Variants in LRRTM4 observed in about 807,000 individuals in gnomAD.
LRRTM4 encodes leucine-rich repeat transmembrane neuronal protein 4.
LRRTM4 carries 25 observed loss-of-function variants against 47.6 expected under a neutral mutation model. The ratio of observed to expected loss-of-function variants is 0.53; its 90% CI spans 0.38 to 0.73. The LOEUF is 0.73. LRRTM4 is among the 30% of genes least tolerant of loss of function. LRRTM4 has a pLI of 0.00. For missense variants in LRRTM4, 638 were observed against 713.4 expected, an observed-to-expected ratio of 0.89 and a Z score of 1.20; for synonymous variants, 311 against 269.5, an observed-to-expected ratio of 1.15 and a Z score of -1.51.
At chr2:76,981,058 C>T (rs762878711) in intron 3 of LRRTM4, among the ~76,000 whole-genome samples, 3 of 152,056 alleles carry the variant, frequency 2.0e-5, no homozygotes, top group Non-Finnish European at 4.4e-5. Flanking sequence ...AACTCAGTTA[C>T]AAGTGCTTGC....
At chr2:76,938,326 G>T (rs1047350688) in intron 3 of LRRTM4, among the ~76,000 whole-genome samples, 6 of 152,072 alleles carry the variant, frequency 3.9e-5, no homozygotes, top group African/African-American at 1.4e-4. Context: ...CATTCTGCTA[G>T]TATTTTAGAT....
At chr2:77,292,654 A>G (rs1348362054) in intron 3 of LRRTM4, among the ~76,000 whole-genome samples, 2 of 138,374 alleles carry the variant, frequency 1.4e-5, no homozygotes, top group Admixed American at 8.2e-5. Flanking sequence ...CAATGAGAAC[A>G]CATGGACACA....
intron 3 of LRRTM4, among the ~76,000 whole-genome samples, chr2:77,158,923 T>C (rs1453579883): frequency 6.6e-6 from 1 of 152,084 alleles, no homozygotes; most frequent in Non-Finnish European, 1.5e-5. Flanking sequence ...TTCTGCAAAA[T>C]ATAGGTATCT....
At chr2:77,516,897 T>C (rs1679226869) in intron 3 of LRRTM4, 5 of 984,928 alleles carry the variant, frequency 5.1e-6, no homozygotes, top group Non-Finnish European at 3.6e-6. Flanking sequence ...GTTAGGACTA[T>C]GGAAAAATTG....
At chr2:77,099,138 T>A (rs1349914590) in intron 3 of LRRTM4, among the ~76,000 whole-genome samples, 1 of 151,946 alleles carries the variant, frequency 6.6e-6, no homozygotes, top group Non-Finnish European at 1.5e-5. Context: ...TCAAGGAGAT[T>A]GATACAAGAA....
chr2:77,264,358 G>GC (rs1322910051), intron 3 of LRRTM4, among the ~76,000 whole-genome samples: 1 of 152,008 alleles, frequency 6.6e-6, no homozygotes, highest in East Asian at 1.9e-4. Context: ...AACCATGCAT[G>GC]CAAGTGAGCG....
chr2:76,786,811 A>C (rs1219862165), intron 3 of LRRTM4, among the ~76,000 whole-genome samples: 1 of 152,148 alleles, frequency 6.6e-6, no homozygotes, highest in African/African-American at 2.4e-5. Flanking sequence ...TCATTTAAAG[A>C]ATACAGAAGG....
intron 3 of LRRTM4, among the ~76,000 whole-genome samples, chr2:77,303,888 G>A (rs575835733): frequency 1.9e-4 from 29 of 152,074 alleles, no homozygotes; most frequent in Middle Eastern, 3.4e-3. Context: ...TTCATATCTT[G>A]GCTATTGTGA....
intron 3 of LRRTM4, among the ~76,000 whole-genome samples, chr2:77,217,910 C>T (rs1399329982): frequency 6.6e-6 from 1 of 152,184 alleles, no homozygotes; most frequent in East Asian, 1.9e-4. Flanking sequence ...TTGTTGGCTA[C>T]TACACTCATT....
intron 3 of LRRTM4, among the ~76,000 whole-genome samples, chr2:77,160,503 A>G (rs942779987): frequency 2.8e-5 from 1 of 36,352 alleles, no homozygotes; most frequent in African/African-American, 5.8e-5. Context: ...TTTAATATTT[A>G]AAAAAAAAAA....
rs368218170 is a variant in LRRTM4, at chr2:76,810,343, A to G, written c.1552-61427T>C. Among the ~76,000 whole-genome samples, 6 of 152,306 alleles carry G rather than the reference A, an allele frequency of 3.9e-5. No homozygotes were observed. The East Asian group carries it at 7.7e-4, about 20-fold the overall frequency. On this transcript the variant is annotated intron_variant, in intron 3 of 3. Transcript: ENST00000409884. Reference sequence around the variant, plus strand: ...TTATCCTCAATAACAGATTTTTCTAATTTATGCTTCCACCAAAAGAATATA... The same window carrying G: ...TTATCCTCAATAACAGATTTTTCTAGTTTATGCTTCCACCAAAAGAATATA...
chr2:76,789,121 C>A (rs1217395715), intron 3 of LRRTM4, among the ~76,000 whole-genome samples: 1 of 152,010 alleles, frequency 6.6e-6, no homozygotes, highest in Non-Finnish European at 1.5e-5. Flanking sequence ...AAGTTCCAGC[C>A]CACGCTGCAC....
intron 3 of LRRTM4, among the ~76,000 whole-genome samples, chr2:77,286,247 G>T (rs909541976): frequency 6.6e-6 from 1 of 151,912 alleles, no homozygotes; most frequent in African/African-American, 2.4e-5. Context: ...TTAAGAGTTT[G>T]TTCTTCATAC....
intron 3 of LRRTM4, among the ~76,000 whole-genome samples, chr2:77,453,346 T>A (rs1459554792): frequency 6.6e-6 from 1 of 151,940 alleles, no homozygotes; most frequent in Non-Finnish European, 1.5e-5. Context: ...CACGCCTGGC[T>A]AATTTTTTGT....
intron 3 of LRRTM4, among the ~76,000 whole-genome samples, chr2:77,408,577 T>C (rs1674300098): frequency 6.6e-6 from 1 of 152,174 alleles, no homozygotes; most frequent in Non-Finnish European, 1.5e-5. Flanking sequence ...CTCATAAACA[T>C]TAGTAATTAC....
At chr2:77,498,573 AC>A (rs1423185067) in intron 3 of LRRTM4, among the ~76,000 whole-genome samples, 1 of 151,822 alleles carries the variant, frequency 6.6e-6, no homozygotes, top group Non-Finnish European at 1.5e-5. Flanking sequence ...CTGATGCCTA[AC>A]TAAACATTAA....
intron 3 of LRRTM4, among the ~76,000 whole-genome samples, chr2:77,330,731 T>C (rs1012755223): frequency 6.1e-4 from 93 of 152,296 alleles, no homozygotes; most frequent in African/African-American, 2.2e-3. Flanking sequence ...GTTTTTGCTT[T>C]TATACTCATC....
intron 3 of LRRTM4, among the ~76,000 whole-genome samples, chr2:77,188,845 C>G (rs142961282): frequency 2.0e-3 from 309 of 152,272 alleles, no homozygotes; most frequent in African/African-American, 7.3e-3. Context: ...CCTTCTGCCT[C>G]TAATTCTAAT....
At chr2:77,032,880 G>A (rs1678711620) in intron 3 of LRRTM4, among the ~76,000 whole-genome samples, 2 of 152,052 alleles carry the variant, frequency 1.3e-5, no homozygotes, top group South Asian at 2.1e-4. Flanking sequence ...AATGTGCAAG[G>A]TTTCTTCCTT....
Sources: gnomAD v4.1 joint callset for allele counts (sites outside exome capture counted in the v4.1 genomes callset) on GRCh38, gnomAD v4.1.1 for gene constraint, MANE v1.5 for transcripts, NCBI Gene and HGNC (gene_info 2026-07-23, HGNC 2026-07-21) for gene names.